Variants in SNX29 observed in about 807,000 individuals in gnomAD.
SNX29 encodes the protein sorting nexin 29.
SNX29 carries 78 observed loss-of-function variants against 102.1 expected under a neutral mutation model. The observed-to-expected ratio is 0.76, with a 90% CI of 0.64 to 0.92. The LOEUF (loss-of-function observed/expected upper bound fraction) is 0.92. SNX29 is among the 40% of genes least tolerant of loss of function. The pLI, the probability that SNX29 is intolerant of heterozygous loss-of-function variation, is 0.00. For missense variants in SNX29, 1,280 were observed against 1,061.7 expected (o/e 1.21, Z -2.86); for synonymous variants, 580 against 414.5 (o/e 1.40, Z -4.85).
chr16:12,107,606 G>A (rs749628868), intron 11 of SNX29, among the ~76,000 whole-genome samples: 62 of 151,962 alleles, frequency 4.1e-4, no homozygotes, highest in Admixed American at 3.7e-3. Flanking sequence ...CCTTCATTCC[G>A]GCCTGGGCAA....
intron 1 of SNX29, among the ~76,000 whole-genome samples, chr16:11,982,876 T>C (rs2055454160): frequency 6.6e-6 from 1 of 152,230 alleles, no homozygotes; most frequent in Non-Finnish European, 1.5e-5. Flanking sequence ...CTGCTGTTTC[T>C]TGCCTGACGT....
intron 16 of SNX29, among the ~76,000 whole-genome samples, chr16:12,391,311 A>G (rs957420429): frequency 8.5e-5 from 13 of 152,198 alleles, no homozygotes; most frequent in African/African-American, 4.8e-5. Context: ...GACAAACATC[A>G]TAGGTTAATT....
intron 16 of SNX29, among the ~76,000 whole-genome samples, chr16:12,364,983 C>T (rs903416110): frequency 1.3e-5 from 2 of 152,062 alleles, no homozygotes; most frequent in African/African-American, 4.8e-5. Context: ...TCCTTGCACC[C>T]TCTAGGCAGT....
At chr16:12,092,582 G>A (rs1239920589) in intron 11 of SNX29, among the ~76,000 whole-genome samples, 2 of 152,166 alleles carry the variant, frequency 1.3e-5, no homozygotes, top group African/African-American at 2.4e-5. Flanking sequence ...GGGAACACTT[G>A]GTTTTGATCC....
intron 13 of SNX29, among the ~76,000 whole-genome samples, chr16:12,194,754 C>T (rs1049095399): frequency 6.6e-6 from 1 of 151,560 alleles, no homozygotes; most frequent in East Asian, 1.9e-4. Flanking sequence ...AGCCTCCCGA[C>T]CAGCTGGGAT....
At chr16:12,540,637 C>G (rs964420731) in intron 20 of SNX29, among the ~76,000 whole-genome samples, 1 of 152,206 alleles carries the variant, frequency 6.6e-6, no homozygotes, top group Non-Finnish European at 1.5e-5. Context: ...CCAGGATCAT[C>G]TCCCCATCTC....
chr16:12,200,135 A>G (rs2968353), intron 14 of SNX29, among the ~76,000 whole-genome samples: 86,137 of 152,026 alleles, frequency 0.57, 29,132 homozygotes, highest in Non-Finnish European at 0.73. Context: ...CATCTGTACA[A>G]TGAGGTTGGT....
At chr16:12,529,258 AG>A (rs2076868425) in intron 20 of SNX29, among the ~76,000 whole-genome samples, 3 of 152,198 alleles carry the variant, frequency 2.0e-5, no homozygotes, top group African/African-American at 7.2e-5. Flanking sequence ...CCCCAAGACA[AG>A]GAACAGATGA....
rs2079205280 is a variant in SNX29, at chr16:12,572,363, T to C, written c.*3734T>C. 1.0e-5 allele frequency: 11 copies of C among 1,062,918 alleles called. No individual in the cohort carries two copies. Among genetic ancestry groups the C allele is most frequent in the Middle Eastern group, 4.2e-4 (1 of 2,406 alleles). 65.8% of individuals were successfully genotyped at this position (1,062,918 alleles called of 1,614,324 possible). ...TGCCTGGTTGATGGACAGCAGGCTC[T>C]GCCTTCTGGAGGCGGCTTATATCCC... On this transcript the variant is annotated 3_prime_UTR_variant, in exon 21 of 21. Coordinates refer to ENST00000566228, the MANE Select transcript of SNX29 (RefSeq NM_032167.5).
chr16:12,019,349 A>G (rs1464007209), intron 3 of SNX29, among the ~76,000 whole-genome samples: 1 of 152,058 alleles, frequency 6.6e-6, no homozygotes, highest in Admixed American at 6.6e-5. Flanking sequence ...CTGGGACTAC[A>G]GGCCCGCCAC....
intron 18 of SNX29, among the ~76,000 whole-genome samples, chr16:12,427,523 AT>A (rs2085131401): frequency 6.6e-6 from 1 of 152,146 alleles, no homozygotes; most frequent in African/African-American, 2.4e-5. Flanking sequence ...TGGGGAACTG[AT>A]AAAAGAAAAA....
chr16:12,019,438 C>T (rs1328913983), intron 3 of SNX29, among the ~76,000 whole-genome samples: 4 of 151,998 alleles, frequency 2.6e-5, no homozygotes, highest in African/African-American at 9.7e-5. Context: ...ATCTCTTGAC[C>T]TCGTGATCTG....
chr16:12,443,118 A>T, intron 18 of SNX29: 1 of 437,646 alleles, frequency 2.3e-6, no homozygotes, highest in Non-Finnish European at 4.5e-6. Context: ...AGGAAGATGG[A>T]GCATCTGCCT....
At chr16:12,353,638 C>T (rs377490497) in intron 15 of SNX29, among the ~76,000 whole-genome samples, 2 of 152,196 alleles carry the variant, frequency 1.3e-5, no homozygotes, top group African/African-American at 4.8e-5. Flanking sequence ...CCTGTAGTTT[C>T]CTCCACTGGT....
intron 20 of SNX29, among the ~76,000 whole-genome samples, chr16:12,537,373 CAGAA>C (rs1027469490): frequency 6.6e-6 from 1 of 152,240 alleles, no homozygotes; most frequent in Non-Finnish European, 1.5e-5. Flanking sequence ...TGGTGCATGA[CAGAA>C]AGAGCAAGAC....
intron 18 of SNX29, among the ~76,000 whole-genome samples, chr16:12,461,343 A>G (rs1024433142): frequency 3.3e-5 from 5 of 152,246 alleles, no homozygotes; most frequent in Admixed American, 6.5e-5. Flanking sequence ...CTTGGAAGGA[A>G]TTTCCAGAGG....
intron 14 of SNX29, among the ~76,000 whole-genome samples, chr16:12,200,693 C>T (rs2076892460): frequency 6.6e-6 from 1 of 152,132 alleles, no homozygotes; most frequent in Admixed American, 6.5e-5. Flanking sequence ...CCATGTTGGC[C>T]AGTCTTGTCT....
At chr16:12,090,421 C>G (rs2052466708) in intron 11 of SNX29, 1 of 152,248 alleles carries the variant, frequency 6.6e-6, no homozygotes, top group South Asian at 2.1e-4. Flanking sequence ...TCCGTGCCGC[C>G]TCACGCGGTT....
chr16:12,145,244 AC>A (rs1347359936), intron 13 of SNX29, among the ~76,000 whole-genome samples: 1 of 152,194 alleles, frequency 6.6e-6, no homozygotes, highest in Admixed American at 6.5e-5. Flanking sequence ...AAGCAGCATA[AC>A]AACTCAAAAT....
Sources: gnomAD v4.1 joint callset for allele counts (sites outside exome capture counted in the v4.1 genomes callset) on GRCh38, gnomAD v4.1.1 for gene constraint, MANE v1.5 for transcripts, NCBI Gene and HGNC (gene_info 2026-07-23, HGNC 2026-07-21) for gene names.